PHF24: variants seen among roughly 807,000 people sequenced by gnomAD.
PHF24 encodes Galpha inhibitory interacting protein.
A neutral mutation model predicts 42.6 loss-of-function variants in PHF24; 25 were observed. That is an observed-to-expected ratio of 0.59 (90% CI 0.43 to 0.82). The LOEUF (loss-of-function observed/expected upper bound fraction) is 0.82, where lower values mean the gene tolerates loss of function less well. PHF24 is among the 40% of genes least tolerant of loss of function. The pLI is 0.00. For missense variants in PHF24, 470 were observed against 538.1 expected (o/e 0.87, Z 1.25); for synonymous variants, 185 against 204.8 (o/e 0.90, Z 0.83).
the PHF24 span, chr9:34,690,321 T>C: frequency 6.2e-7 from 1 of 1,613,886 alleles, no homozygotes; most frequent in Non-Finnish European, 8.5e-7. Context: ...TTCAGCATCA[T>C]TGGTGCCACT....
the PHF24 span, among the ~76,000 whole-genome samples, chr9:34,875,333 G>A: frequency 2.0e-5 from 3 of 152,132 alleles, no homozygotes; most frequent in Non-Finnish European, 4.4e-5. Flanking sequence ...TGACAAAAGT[G>A]TATTTCTTTA....
the PHF24 span, among the ~76,000 whole-genome samples, chr9:34,836,231 G>C: frequency 1.3e-5 from 2 of 152,190 alleles, no homozygotes; most frequent in Non-Finnish European, 2.9e-5. Context: ...GGTATGGTGG[G>C]CTGGGGGTTA....
the PHF24 span, chr9:34,690,046 A>G: frequency 6.2e-7 from 1 of 1,610,192 alleles, no homozygotes; most frequent in African/African-American, 1.3e-5. Flanking sequence ...GCCGGAGAGA[A>G]TGGAGCCCCA....
At chr9:34,753,045 G>A in the PHF24 span, among the ~76,000 whole-genome samples, 1 of 152,000 alleles carries the variant, frequency 6.6e-6, no homozygotes, top group Non-Finnish European at 1.5e-5. Flanking sequence ...CATAATAAAA[G>A]CCATGTACAA....
At chr9:34,859,432 G>A in the PHF24 span, among the ~76,000 whole-genome samples, 41 of 152,284 alleles carry the variant, frequency 2.7e-4, no homozygotes, top group Middle Eastern at 3.4e-3. Flanking sequence ...TCAGGCAAGG[G>A]CAAGTAAAAA....
At chr9:34,976,213 G>T (rs753629419) in exon 4 of PHF24, 4 of 1,613,980 alleles carry the variant, frequency 2.5e-6, no homozygotes, top group East Asian at 4.5e-5. Flanking sequence ...ACCTTTCAGC[G>T]GTGTAAAGTC....
the PHF24 span, among the ~76,000 whole-genome samples, chr9:34,899,900 C>T: frequency 6.6e-6 from 1 of 152,188 alleles, no homozygotes; most frequent in African/African-American, 2.4e-5. Context: ...TCTGGTTTCA[C>T]TCCAGACTAA....
At chr9:34,854,463 T>A in the PHF24 span, among the ~76,000 whole-genome samples, 1 of 152,184 alleles carries the variant, frequency 6.6e-6, no homozygotes, top group Admixed American at 6.5e-5. Context: ...CCAGAGATTC[T>A]GGTACATTGT....
At chr9:34,724,023 T>C in the PHF24 span, 11 of 1,544,560 alleles carry the variant, frequency 7.1e-6, no homozygotes, top group Admixed American at 1.6e-4. Context: ...CTCTCTTCTC[T>C]GGTTGAGGAG....
the PHF24 span, among the ~76,000 whole-genome samples, chr9:34,769,775 C>T: frequency 3.3e-5 from 5 of 152,070 alleles, no homozygotes; most frequent in South Asian, 2.1e-4. Context: ...TATTAGTATA[C>T]GAGAGAGGTA....
the PHF24 span, among the ~76,000 whole-genome samples, chr9:34,823,202 CAAAAAAAAAAAAA>C: frequency 3.9e-3 from 230 of 58,690 alleles, 3 homozygotes; most frequent in Middle Eastern, 0.016. Context: ...GACTCCGTCT[CAAAAAAAAAAAAA>C]AAAAAAAAAA....
At chr9:34,682,150 ATTTTT>A in the PHF24 span, among the ~76,000 whole-genome samples, 1 of 93,100 alleles carries the variant, frequency 1.1e-5, no homozygotes, top group African/African-American at 4.3e-5. Context: ...AATTATTTCT[ATTTTT>A]TTTTTTTTTT....
the PHF24 span, among the ~76,000 whole-genome samples, chr9:34,807,609 A>C: frequency 6.6e-6 from 1 of 152,350 alleles, no homozygotes; most frequent in Admixed American, 6.5e-5. Flanking sequence ...AATGAAATTC[A>C]GTAATAACCA....
chr9:34,743,283 T>C, the PHF24 span, among the ~76,000 whole-genome samples: 18 of 152,246 alleles, frequency 1.2e-4, no homozygotes, highest in African/African-American at 4.3e-4. Flanking sequence ...TAGTAAACTC[T>C]ATAAAGCACC....
chr9:34,837,787 C>A, the PHF24 span: 3 of 857,692 alleles, frequency 3.5e-6, no homozygotes, highest in South Asian at 2.9e-5. Flanking sequence ...TTTTCCACTC[C>A]CTTTCTATAT....
intron 2 of PHF24, 101 bp from the exon 3 acceptor site, chr9:34,972,244 TG>T: frequency 9.6e-7 from 1 of 1,044,756 alleles, no homozygotes; most frequent in Non-Finnish European, 1.4e-6. Context: ...TAGGCTAATC[TG>T]GGAAGACTCA....
At chr9:34,779,080 G>T in the PHF24 span, among the ~76,000 whole-genome samples, 2 of 152,030 alleles carry the variant, frequency 1.3e-5, no homozygotes, top group Non-Finnish European at 2.9e-5. Flanking sequence ...CTACCAAAAC[G>T]TATGGAAAGC....
chr9:34,891,208 C>G, the PHF24 span, among the ~76,000 whole-genome samples: 1 of 152,216 alleles, frequency 6.6e-6, no homozygotes, highest in African/African-American at 2.4e-5. Context: ...TCAGAGTGTC[C>G]TTTCCTGATC....
chr9:34,950,117 G>C, the PHF24 span, among the ~76,000 whole-genome samples: 1 of 151,910 alleles, frequency 6.6e-6, no homozygotes, highest in South Asian at 2.1e-4. Context: ...ATTGACTGGT[G>C]ACGGGTGGAT....
Sources: gnomAD v4.1 joint callset for allele counts (sites outside exome capture counted in the v4.1 genomes callset) on GRCh38, gnomAD v4.1.1 for gene constraint, MANE v1.5 for transcripts, NCBI Gene and HGNC (gene_info 2026-07-23, HGNC 2026-07-21) for gene names.